The following PTGR2 variants were observed in gnomAD, a reference collection of about 807,000 sequenced individuals.
The protein encoded by PTGR2 is 15-oxoprostaglandin 13-reductase.
Under a neutral mutation model 43.4 loss-of-function variants are expected in PTGR2, and 32 were observed. The ratio of observed to expected loss-of-function variants is 0.74; its 90% CI spans 0.56 to 0.99. The LOEUF (loss-of-function observed/expected upper bound fraction) is 0.99. Among genes scored for constraint, PTGR2 ranks in the 50% least tolerant of loss-of-function variants. The pLI, the probability that PTGR2 is intolerant of heterozygous loss-of-function variation, is 0.00. For synonymous variants in PTGR2, 106 were observed against 139.2 expected, an observed-to-expected ratio of 0.76 and a Z score of 1.68; for missense variants, 373 against 420.0, an observed-to-expected ratio of 0.89 and a Z score of 0.98.
In PTGR2 at chr14:73,862,115, T is replaced by G. The variant is rs957464037; in HGVS notation, c.156+1458T>G. Among the ~76,000 whole-genome samples, 5 of 151,918 alleles carry G rather than the reference T, an allele frequency of 3.3e-5. 1 individual carries two copies. The highest frequency in any genetic ancestry group is 7.3e-5 in the African/African-American group (3 of 41,356). ...CCTGGTGTCAAACTGTTCTTTTTTT[T>G]TTGTTATGTAGAGGCTGATTATCTT... On this transcript the variant is annotated intron_variant, in intron 3 of 9. Coordinates refer to ENST00000555661, the MANE Select transcript of PTGR2 (RefSeq NM_001146154.2).
intron 5 of PTGR2, chr14:73,877,449 G>A (rs771040232): frequency 2.2e-4 from 45 of 204,358 alleles, no homozygotes; most frequent in Non-Finnish European, 5.9e-5. Flanking sequence ...ATTTTTAGTA[G>A]AGATGGGGTT....
chr14:73,872,071 C>T (rs1022681316), intron 3 of PTGR2, among the ~76,000 whole-genome samples: 9 of 152,118 alleles, frequency 5.9e-5, no homozygotes, highest in Non-Finnish European at 1.2e-4. Flanking sequence ...TTTCCTGGTC[C>T]GTGCTGTCGT....
At chr14:73,873,482 C>G (rs997387559) in intron 3 of PTGR2, among the ~76,000 whole-genome samples, 7 of 147,410 alleles carry the variant, frequency 4.7e-5, no homozygotes, top group Non-Finnish European at 1.0e-4. Context: ...TTTTTTGAGA[C>G]GGAGTTTCGC....
chr14:73,858,531 C>T (rs867246120), intron 1 of PTGR2: 5 of 229,786 alleles, frequency 2.2e-5, no homozygotes, highest in Middle Eastern at 1.9e-3. Flanking sequence ...CCAGACTGGG[C>T]AACAGAGCGA....
Position 73,858,895 on chromosome 14 carries a change from A to T in PTGR2, c.33A>T (p.Arg11=), listed in dbSNP as rs776885080. 4.3e-6 allele frequency: 7 copies of T among 1,611,324 alleles called. No homozygotes were observed. The South Asian group carries it at 7.7e-5, about 18-fold the overall frequency. The change falls in exon 2 of 10, where the codon CGA becomes CGT. Residue 11 remains arginine (R), a synonymous_variant. Transcript: ENST00000555661. MIVQRVVLNS[R]PGKNGNPVAE... ...TTCAAAGAGTGGTATTGAATTCTCGACCTGGTATGTATTTGCGATGAATGA... is the reference window on the plus strand; with the variant it reads ...TTCAAAGAGTGGTATTGAATTCTCGTCCTGGTATGTATTTGCGATGAATGA...
At chr14:73,872,478 A>G (rs1038582054) in intron 3 of PTGR2, among the ~76,000 whole-genome samples, 1 of 152,188 alleles carries the variant, frequency 6.6e-6, no homozygotes, top group African/African-American at 2.4e-5. Context: ...CCATCAAAAC[A>G]CTATTTTGTA....
chr14:73,881,292 G>T lies in PTGR2; in HGVS notation c.939G>T (p.Lys313Asn), dbSNP rs1595372827. Residue 313 changes from lysine to asparagine, a missense_variant and splice_region_variant, in exon 8 of 10, where the codon AAG (lysine) becomes AAT (asparagine). By Grantham distance (94) the Lys-to-Asn change is moderately conservative (BLOSUM62 0). Coordinates refer to ENST00000555661, the MANE Select transcript of PTGR2 (RefSeq NM_001146154.2). The part of the protein sequence containing the change: ...LSQWFKEGKL[K>N]IKETVINGLE... Reference sequence around the variant, plus strand: ...AGTGGTTTAAAGAAGGAAAGCTAAAGGTAGAACTTCTATTCTTTATCAATA... The same window carrying T: ...AGTGGTTTAAAGAAGGAAAGCTAAATGTAGAACTTCTATTCTTTATCAATA... 1 of 1,560,936 alleles carries T rather than the reference G, an allele frequency of 6.4e-7. No homozygotes were observed. Among genetic ancestry groups the T allele is most frequent in the East Asian group, 2.2e-5 (1 of 44,554 alleles).
chr14:73,855,609 C>A (rs1327447231), intron 1 of PTGR2, among the ~76,000 whole-genome samples: 1 of 151,682 alleles, frequency 6.6e-6, no homozygotes. Flanking sequence ...CCATGCCTGG[C>A]TGATTTTTGT....
intron 1 of PTGR2, among the ~76,000 whole-genome samples, chr14:73,857,568 C>A (rs915244155): frequency 1.3e-5 from 2 of 150,618 alleles, no homozygotes; most frequent in Admixed American, 1.3e-4. Context: ...GAGCTGAGAT[C>A]GCGCCACTGC....
At chr14:73,864,926 A>G (rs919848712) in intron 3 of PTGR2, among the ~76,000 whole-genome samples, 1 of 152,186 alleles carries the variant, frequency 6.6e-6, no homozygotes, top group African/African-American at 2.4e-5. Context: ...TAAGAGTTTT[A>G]TAGTTTTGCT....
intron 4 of PTGR2, 60 bp downstream of exon 4, chr14:73,874,274 T>C: frequency 7.8e-7 from 1 of 1,287,358 alleles, no homozygotes; most frequent in Non-Finnish European, 1.1e-6. Flanking sequence ...CTTTGTGCAT[T>C]TGATATTCAG....
chr14:73,863,021 A>C (rs1301830421), intron 3 of PTGR2, among the ~76,000 whole-genome samples: 1 of 152,160 alleles, frequency 6.6e-6, no homozygotes, highest in Non-Finnish European at 1.5e-5. Context: ...ATACTTAAAA[A>C]ATTTAACAGT....
rs766810794 is a variant in PTGR2, at chr14:73,876,483, C to CTTTTTTTTTTTTTTTTTTTTTTTTTTTT, written c.349-499_349-498insTTTTTTTTTTTTTTTTTTTTTTTTTTTT. 8.2e-4 allele frequency among the ~76,000 whole-genome samples: 89 copies of CTTTTTTTTTTTTTTTTTTTTTTTTTTTT among 108,526 alleles called. 5 individuals carry two copies. The highest frequency in any genetic ancestry group is 2.2e-3 in the African/African-American group (64 of 29,678). The allele number at this position is 108,526 out of a possible 152,430, so 71.2% of individuals were successfully genotyped here. The stretch of plus-strand genomic sequence containing the variant: ...TCTTCTTCTTCTAAGGACATAAGTC[C>CTTTTTTTTTTTTTTTTTTTTTTTTTTTT]TTTTTTTTTTTTTTTTGAGATGAAG... On this transcript the variant is annotated intron_variant, in intron 4 of 9. Transcript: ENST00000555661.
In PTGR2 at chr14:73,858,798, A is replaced by C; in HGVS notation, c.-47-18A>C. ...GAATACTTCAAATCTTGTGATTTAA[A>C]AATTTTTTTATTTATAGGAGTATTT... is the stretch of plus-strand genomic sequence containing the variant. On this transcript the variant is annotated intron_variant, in intron 1 of 9. Transcript: ENST00000555661. 2.3e-6 allele frequency: 3 copies of C among 1,310,374 alleles called. No individual in the cohort carries two copies. Among genetic ancestry groups the C allele is most frequent in the Non-Finnish European group, 3.2e-6 (3 of 942,430 alleles). 81.2% of individuals were successfully genotyped at this position (1,310,374 alleles called of 1,614,324 possible). A position where few individuals can be genotyped will look rare whatever the true frequency, so the allele number is the denominator to read the frequency against.
At chr14:73,879,443 A>G in intron 6 of PTGR2, 138 bp downstream of exon 6, 2 of 742,618 alleles carry the variant, frequency 2.7e-6, no homozygotes, top group Non-Finnish European at 4.3e-6. Context: ...ATTGTATTTA[A>G]GTGATACAAA....
In PTGR2 at chr14:73,874,102, T is replaced by C; in HGVS notation, c.236T>C (p.Ile79Thr). 6.2e-7 allele frequency: 1 copy of C among 1,613,952 alleles called. No homozygotes were observed. The highest frequency in any genetic ancestry group is 1.1e-5 in the South Asian group (1 of 91,062). ...TCTCAAGTCGTTGATGGAGGAGGTA[T>C]TGGAATTATAGAAGAAAGCAAACAC... ...QLSQVVDGGGIGIIEESKHTN... is the reference protein window; with the variant it reads ...QLSQVVDGGGTGIIEESKHTN... Residue 79 changes from isoleucine to threonine, a missense_variant, in exon 4 of 10, where the codon ATT becomes ACT. Ile to Thr is a moderately conservative substitution (Grantham distance 89). Coordinates refer to ENST00000555661, the MANE Select transcript of PTGR2 (RefSeq NM_001146154.2).
chr14:73,882,795 T>C (rs1429088778), intron 9 of PTGR2, among the ~76,000 whole-genome samples: 1 of 115,632 alleles, frequency 8.6e-6, no homozygotes, highest in Non-Finnish European at 1.7e-5. Flanking sequence ...CCACCACGCC[T>C]GGCCCTTTTT....
chr14:73,882,058 A>C (rs527576000), intron 8 of PTGR2, among the ~76,000 whole-genome samples: 2 of 151,794 alleles, frequency 1.3e-5, no homozygotes, highest in South Asian at 2.1e-4. Flanking sequence ...CTGGGATTAC[A>C]GTTGTGAACC....
At chr14:73,861,196 T>C (rs2054481831) in intron 3 of PTGR2, 6 of 152,512 alleles carry the variant, frequency 3.9e-5, no homozygotes, top group Admixed American at 3.9e-4. Flanking sequence ...CCACTGTGCT[T>C]AGCCCTGTAG....
Sources: gnomAD v4.1 joint callset for allele counts (sites outside exome capture counted in the v4.1 genomes callset) on GRCh38, gnomAD v4.1.1 for gene constraint, MANE v1.5 for transcripts, NCBI Gene and HGNC (gene_info 2026-07-23, HGNC 2026-07-21) for gene names.